Variants in GRM5 observed in about 807,000 individuals in gnomAD.
The protein encoded by GRM5 is metabotropic glutamate receptor 5.
Under a neutral mutation model 83.1 loss-of-function variants are expected in GRM5, and 19 were observed. The ratio of observed to expected loss-of-function variants is 0.23; its 90% CI spans 0.16 to 0.34. The LOEUF (loss-of-function observed/expected upper bound fraction) is 0.34. Among genes scored for constraint, GRM5 ranks in the 10% least tolerant of loss-of-function variants. The pLI, the probability that GRM5 is intolerant of heterozygous loss-of-function variation, is 1.00. For synonymous variants in GRM5, 675 were observed against 633.6 expected (o/e 1.07, Z -0.98); for missense variants, 1,160 against 1,588.3 (o/e 0.73, Z 4.58).
At chr11:89,017,076 G>A (rs1018388065) in intron 2 of GRM5, among the ~76,000 whole-genome samples, 1 of 152,056 alleles carries the variant, frequency 6.6e-6, no homozygotes, top group African/African-American at 2.4e-5. Context: ...AATTTGATGA[G>A]CTCTCAAGCC....
intron 7 of GRM5, among the ~76,000 whole-genome samples, chr11:88,570,571 A>ATATATATATATATATTT (rs1405339448): frequency 6.5e-5 from 3 of 46,376 alleles, no homozygotes; most frequent in African/African-American, 4.0e-4. Flanking sequence ...ATATATATAT[A>ATATATATATATATATTT]TTTTTTTTTT....
In GRM5 at chr11:88,556,521, C is replaced by A. The variant is rs188512433; in HGVS notation, c.2630+10532G>T. Among the ~76,000 whole-genome samples, 13 of 152,048 alleles carry A rather than the reference C, an allele frequency of 8.5e-5. No homozygotes were observed. The East Asian group carries it at 1.7e-3, about 20-fold the overall frequency. On this transcript the variant is annotated intron_variant, in intron 8 of 9. Transcript: ENST00000305447. ...TATTTTTGGTAGAGACAGGGTTTCA[C>A]CATGTTGGTCAGGCTGGTCTTAAAC...
At chr11:88,798,805 C>T (rs1468590558) in intron 3 of GRM5, among the ~76,000 whole-genome samples, 1 of 55,400 alleles carries the variant, frequency 1.8e-5, no homozygotes, top group African/African-American at 8.3e-5. Flanking sequence ...ATGAAAACAC[C>T]AAAAAAAAAA....
intron 2 of GRM5, among the ~76,000 whole-genome samples, chr11:88,926,529 C>T (rs1416901006): frequency 6.6e-6 from 1 of 152,144 alleles, no homozygotes; most frequent in Non-Finnish European, 1.5e-5. Flanking sequence ...CAGTCTTTAT[C>T]TCTTCACATA....
At chr11:88,515,453 T>A (rs559781140) in intron 9 of GRM5, among the ~76,000 whole-genome samples, 11 of 152,288 alleles carry the variant, frequency 7.2e-5, no homozygotes, top group Admixed American at 5.2e-4. Flanking sequence ...GAAGCTAGAA[T>A]AAAGGATTTT....
At chr11:88,555,195 A>C (rs1360703186) in intron 8 of GRM5, among the ~76,000 whole-genome samples, 1 of 152,118 alleles carries the variant, frequency 6.6e-6, no homozygotes, top group Non-Finnish European at 1.5e-5. Context: ...GTGAGCTTAG[A>C]ATATGTAAGT....
At chr11:88,966,636 G>C (rs767263859) in intron 2 of GRM5, among the ~76,000 whole-genome samples, 11 of 152,004 alleles carry the variant, frequency 7.2e-5, no homozygotes, top group Non-Finnish European at 1.6e-4. Context: ...TTGCGTTTTG[G>C]GTATGTTATA....
At chr11:88,936,951 A>G (rs1937920561) in intron 2 of GRM5, among the ~76,000 whole-genome samples, 2 of 150,288 alleles carry the variant, frequency 1.3e-5, no homozygotes. Flanking sequence ...TTTTTGAAGT[A>G]TAGGAAGTGG....
chr11:88,955,504 A>C (rs1182560235), intron 2 of GRM5, among the ~76,000 whole-genome samples: 2 of 152,218 alleles, frequency 1.3e-5, no homozygotes, highest in Non-Finnish European at 2.9e-5. Context: ...AAAAATGTAC[A>C]TTTCCACAGC....
intron 3 of GRM5, among the ~76,000 whole-genome samples, chr11:88,817,394 T>C (rs1943711209): frequency 6.6e-6 from 1 of 152,120 alleles, no homozygotes; most frequent in Non-Finnish European, 1.5e-5. Context: ...TTTGAACTTG[T>C]GGACCTATCC....
chr11:88,758,314 T>A (rs1328691179), intron 3 of GRM5, among the ~76,000 whole-genome samples: 1 of 152,030 alleles, frequency 6.6e-6, no homozygotes, highest in African/African-American at 2.4e-5. Flanking sequence ...TGAAGCCCAA[T>A]CCAAGGAAGC....
chr11:88,679,488 G>A (rs190585204), intron 3 of GRM5, among the ~76,000 whole-genome samples: 3 of 152,064 alleles, frequency 2.0e-5, no homozygotes, highest in African/African-American at 7.2e-5. Flanking sequence ...GCCTCTTTTG[G>A]TTGCAGTATA....
intron 2 of GRM5, among the ~76,000 whole-genome samples, chr11:88,905,128 G>A (rs546463043): frequency 2.0e-5 from 3 of 152,220 alleles, no homozygotes; most frequent in South Asian, 2.1e-4. Flanking sequence ...AACTTTGTAA[G>A]TAAAGAATAT....
intron 3 of GRM5, among the ~76,000 whole-genome samples, chr11:88,823,052 A>T (rs898109433): frequency 2.0e-5 from 3 of 151,824 alleles, no homozygotes; most frequent in African/African-American, 7.3e-5. Flanking sequence ...TCTTATTCTA[A>T]TGCTGGGAAA....
intron 3 of GRM5, among the ~76,000 whole-genome samples, chr11:88,757,331 A>C (rs1942415418): frequency 6.6e-6 from 1 of 152,168 alleles, no homozygotes; most frequent in African/African-American, 2.4e-5. Flanking sequence ...ACATGTGTGC[A>C]TGTGCACTCT....
chr11:88,532,811 G>A (rs1420700068), intron 8 of GRM5, among the ~76,000 whole-genome samples: 2 of 152,156 alleles, frequency 1.3e-5, no homozygotes, highest in South Asian at 2.1e-4. Flanking sequence ...GGTAACTAAT[G>A]TACAGAGTTT....
At chr11:88,810,689 T>C (rs529791676) in intron 3 of GRM5, among the ~76,000 whole-genome samples, 31 of 152,244 alleles carry the variant, frequency 2.0e-4, no homozygotes, top group African/African-American at 7.2e-4. Flanking sequence ...CAGTCATTGA[T>C]ATTTTATCAT....
chr11:88,567,021 C>T lies in GRM5; in HGVS notation c.2630+32G>A, dbSNP rs190580488. ...CATGCCTCTGCTCCAGTTTTAGGGG[C>T]CAGCATCCCTGTAAGCCCCCACAAC... On this transcript the variant is annotated intron_variant, in intron 8 of 9. Transcript: ENST00000305447. The surrounding 1 kb of genome is among the most constrained non-coding windows in gnomAD (Gnocchi z 7.3). 9.5e-5 allele frequency: 132 copies of T among 1,388,978 alleles called. No homozygotes were observed. Among genetic ancestry groups the T allele is most frequent in the Non-Finnish European group, 2.5e-5 (25 of 1,004,120 alleles). 86.0% of individuals were successfully genotyped at this position (1,388,978 alleles called of 1,614,324 possible). A position where few individuals can be genotyped will look rare whatever the true frequency, so the allele number is the denominator to read the frequency against.
intron 3 of GRM5, among the ~76,000 whole-genome samples, chr11:88,734,790 C>T (rs724241): frequency 0.032 from 4,829 of 152,016 alleles, 252 homozygotes; most frequent in African/African-American, 0.11. Flanking sequence ...TAAACAAAGA[C>T]AACCAATTAT....
Sources: allele counts gnomAD v4.1 joint callset (sites outside exome capture counted in the v4.1 genomes callset), GRCh38; gene constraint gnomAD v4.1.1; non-coding constraint Gnocchi (gnomAD v3.1); transcripts MANE v1.5; gene names NCBI Gene and HGNC (gene_info 2026-07-23, HGNC 2026-07-21).